AK4: variants seen among roughly 807,000 people sequenced by gnomAD.
AK4 encodes the protein adenylate kinase 4.
In AK4, 13 loss-of-function variants were observed where a neutral mutation model predicts 24.6. The ratio of observed to expected loss-of-function variants is 0.53; its 90% CI spans 0.34 to 0.84. The LOEUF is 0.84. Ranked by LOEUF, AK4 falls within the 40% of genes least tolerant of loss-of-function variation. AK4 has a pLI of 0.01. For synonymous variants in AK4, 88 were observed against 107.0 expected (o/e 0.82, Z 1.10); for missense variants, 192 against 288.2 (o/e 0.67, Z 2.42).
chr1:65,175,559 G>A (rs957453706), intron 1 of AK4, among the ~76,000 whole-genome samples: 8 of 152,198 alleles, frequency 5.3e-5, no homozygotes, highest in African/African-American at 1.4e-4. Flanking sequence ...TATTTGTGTT[G>A]CTTTAAAAGT....
In AK4 at chr1:65,148,459, A is replaced by G; in HGVS notation, c.52A>G (p.Lys18Glu). 6.4e-7 allele frequency: 1 copy of G among 1,574,208 alleles called. No homozygotes were observed. Among genetic ancestry groups the G allele is most frequent in the Non-Finnish European group, 8.6e-7 (1 of 1,161,490 alleles). Residue 18 changes from lysine to glutamate, a missense_variant, in exon 1 of 5, where the codon AAG becomes GAG. By Grantham distance (56) the Lys-to-Glu change is moderately conservative. Transcript: ENST00000327299. The stretch of plus-strand genomic sequence containing the variant: ...CATCCTCGGGCCGCCCGGCTCGGGC[A>G]AGGGCACCGTGTGCCAGAGGATCGC... ...AVILGPPGSG[K>E]GTVCQRIAQN...
chr1:65,190,661 G>A, intron 1 of AK4, 49 bp from the exon 2 acceptor site: 3 of 1,595,400 alleles, frequency 1.9e-6, no homozygotes, highest in Non-Finnish European at 2.6e-6. Context: ...TAAGCTTTGT[G>A]TTTGGGAAAT....
At chr1:65,177,783 T>C (rs549960298) in intron 1 of AK4, among the ~76,000 whole-genome samples, 2 of 152,250 alleles carry the variant, frequency 1.3e-5, no homozygotes, top group East Asian at 1.9e-4. Context: ...CTGCACCAAT[T>C]TGTGTAGACT....
chr1:65,163,463 G>T (rs959339321), intron 1 of AK4, among the ~76,000 whole-genome samples: 1 of 152,214 alleles, frequency 6.6e-6, no homozygotes, highest in African/African-American at 2.4e-5. Context: ...TTACAGCTCG[G>T]CATTTGCCTT....
rs1475313033 is a variant in AK4 at position 65,152,356 on chromosome 1, CTCTCTATATATATA to C, written c.145+3806_145+3819del. Among the ~76,000 whole-genome samples the C allele has an allele frequency of 2.7e-4, 9 of 33,900 alleles. No homozygotes were observed. In the East Asian group the frequency reaches 8.8e-3, roughly 33 times the overall value. 22.2% of individuals were successfully genotyped at this position (33,900 alleles called of 152,430 possible). Reference sequence around the variant, plus strand: ...TCTCTCTCTCTCTCTCTCTCTCTCTCTCTCTATATATATATATATATATATATATTTTTTTTTTT... The same window carrying C: ...TCTCTCTCTCTCTCTCTCTCTCTCTCTATATATATATATATTTTTTTTTTT... On this transcript the variant is annotated intron_variant, in intron 1 of 4. Transcript: ENST00000327299.
intron 3 of AK4, among the ~76,000 whole-genome samples, chr1:65,222,579 A>C (rs1652330833): frequency 6.6e-6 from 1 of 152,164 alleles, no homozygotes; most frequent in African/African-American, 2.4e-5. Flanking sequence ...GAAATTCTGG[A>C]AATGACTTTC....
intron 1 of AK4, among the ~76,000 whole-genome samples, chr1:65,151,555 T>C (rs1375882388): frequency 6.6e-6 from 1 of 152,198 alleles, no homozygotes; most frequent in Non-Finnish European, 1.5e-5. Context: ...CTTGGGCCTT[T>C]TGTTCTTTCT....
At chr1:65,176,695 G>A (rs1298310703) in intron 1 of AK4, among the ~76,000 whole-genome samples, 4 of 152,052 alleles carry the variant, frequency 2.6e-5, no homozygotes, top group African/African-American at 4.8e-5. Flanking sequence ...GAGGTCGAAC[G>A]GTCTACCTCT....
intron 1 of AK4, among the ~76,000 whole-genome samples, chr1:65,168,307 C>G (rs1474620669): frequency 6.6e-6 from 1 of 152,030 alleles, no homozygotes; most frequent in Non-Finnish European, 1.5e-5. Context: ...TCACCATGCC[C>G]AGCTAATTTT....
intron 1 of AK4, among the ~76,000 whole-genome samples, chr1:65,176,030 A>G (rs1215653697): frequency 1.3e-5 from 2 of 152,198 alleles, no homozygotes; most frequent in Non-Finnish European, 2.9e-5. Flanking sequence ...AAGCTCCAGT[A>G]TCTTTTACTT....
At chr1:65,174,889 G>A (rs537559436) in intron 1 of AK4, among the ~76,000 whole-genome samples, 66 of 152,086 alleles carry the variant, frequency 4.3e-4, no homozygotes, top group African/African-American at 1.5e-3. Flanking sequence ...TACGTACAAG[G>A]GAGTATAGAA....
rs1466608315 is a variant in AK4 at position 65,204,494 on chromosome 1, C to T, written c.265+13665C>T. Among the ~76,000 whole-genome samples, 5 of 152,308 alleles carry T rather than the reference C, an allele frequency of 3.3e-5. No homozygotes were observed. The East Asian group carries it at 9.6e-4, about 29-fold the overall frequency. Reference sequence around the variant, plus strand: ...GGAATTCCAGGCGTGAGCCACCATACCTAGCCTTAATTTTACTCAAATTTA... The same window carrying T: ...GGAATTCCAGGCGTGAGCCACCATATCTAGCCTTAATTTTACTCAAATTTA... On this transcript the variant is annotated intron_variant, in intron 2 of 4. Coordinates refer to ENST00000327299, the MANE Select transcript of AK4 (RefSeq NM_013410.4).
At chr1:65,175,357 CAG>C (rs371521136) in intron 1 of AK4, among the ~76,000 whole-genome samples, 1 of 151,876 alleles carries the variant, frequency 6.6e-6, no homozygotes, top group Non-Finnish European at 1.5e-5. Flanking sequence ...AGAGTTACTA[CAG>C]AGAGAGAGAG....
At chr1:65,159,525 C>T (rs556136450) in intron 1 of AK4, among the ~76,000 whole-genome samples, 13 of 152,038 alleles carry the variant, frequency 8.6e-5, no homozygotes, top group African/African-American at 2.4e-4. Context: ...AGAGTGGTGG[C>T]GCATGCCTGT....
chr1:65,230,649 A>G lies in AK4; in HGVS notation c.*4472A>G, dbSNP rs916883247. On this transcript the variant is annotated 3_prime_UTR_variant, in exon 5 of 5. Transcript: ENST00000327299. Reference sequence around the variant, plus strand: ...GGGTTTTCATGTACCTGTAGGGATTAGGAAACTCAAATGGCCTTTTTAATA... The same window carrying G: ...GGGTTTTCATGTACCTGTAGGGATTGGGAAACTCAAATGGCCTTTTTAATA... 6.6e-6 allele frequency: 1 copy of G among 152,216 alleles called. No individual in the cohort carries two copies. The highest frequency in any genetic ancestry group is 1.5e-5 in the Non-Finnish European group (1 of 68,030). The allele number at this position is 152,216 out of a possible 1,614,324, so 9.4% of individuals were successfully genotyped here.
chr1:65,204,940 G>T (rs139698974), intron 2 of AK4, among the ~76,000 whole-genome samples: 4 of 152,192 alleles, frequency 2.6e-5, no homozygotes, highest in African/African-American at 9.6e-5. Context: ...GAATATACTA[G>T]AAATCATTGA....
intron 1 of AK4, among the ~76,000 whole-genome samples, chr1:65,161,108 A>G (rs891445647): frequency 2.0e-5 from 3 of 151,982 alleles, no homozygotes; most frequent in African/African-American, 7.3e-5. Context: ...TTTTTTTTTA[A>G]AAAACCTAAA....
At chr1:65,197,485 G>T (rs1163804029) in intron 2 of AK4, among the ~76,000 whole-genome samples, 1 of 152,136 alleles carries the variant, frequency 6.6e-6, no homozygotes, top group South Asian at 2.1e-4. Context: ...TCATCATTTT[G>T]TCCATAGTTG....
intron 1 of AK4, among the ~76,000 whole-genome samples, chr1:65,165,449 G>A (rs1650298820): frequency 1.3e-5 from 2 of 152,056 alleles, no homozygotes; most frequent in South Asian, 4.1e-4. Context: ...TTGGGAGGCT[G>A]AGGCAGGAGG....
Sources: gnomAD v4.1 joint callset for allele counts (sites outside exome capture counted in the v4.1 genomes callset) on GRCh38, gnomAD v4.1.1 for gene constraint, MANE v1.5 for transcripts, NCBI Gene and HGNC (gene_info 2026-07-23, HGNC 2026-07-21) for gene names.